COL4A1: variants seen among roughly 807,000 people sequenced by gnomAD.
COL4A1 encodes the protein collagen type IV alpha 1 chain.
Under a neutral mutation model 216.6 loss-of-function variants are expected in COL4A1, and 40 were observed. That is an observed-to-expected ratio of 0.18 (90% CI 0.14 to 0.24). COL4A1 has a LOEUF of 0.24. Among genes scored for constraint, COL4A1 ranks in the 10% least tolerant of loss-of-function variants. COL4A1 has a pLI of 1.00. For synonymous variants in COL4A1, 839 were observed against 810.7 expected, an observed-to-expected ratio of 1.03 and a Z score of -0.59; for missense variants, 1,628 against 2,196.8, an observed-to-expected ratio of 0.74 and a Z score of 5.18.
chr13:110,225,305 C>T (rs1010178202), intron 2 of COL4A1, among the ~76,000 whole-genome samples: 1 of 152,216 alleles, frequency 6.6e-6, no homozygotes, highest in Non-Finnish European at 1.5e-5. Flanking sequence ...ACGACTGGGC[C>T]GGGTGCAGTG....
intron 2 of COL4A1, among the ~76,000 whole-genome samples, chr13:110,216,795 TACCG>T (rs1443153468): frequency 6.6e-6 from 1 of 152,158 alleles, no homozygotes; most frequent in Admixed American, 6.5e-5. Context: ...CAGCCCAAGG[TACCG>T]ACCCTTCTAT....
intron 24 of COL4A1, among the ~76,000 whole-genome samples, chr13:110,187,657 A>G (rs549520985): frequency 1.3e-5 from 2 of 152,298 alleles, no homozygotes; most frequent in South Asian, 4.1e-4. Context: ...CTCAACATTC[A>G]TAGGAACACA....
chr13:110,240,301 G>A (rs923422838), intron 2 of COL4A1, among the ~76,000 whole-genome samples: 9 of 152,342 alleles, frequency 5.9e-5, no homozygotes, highest in Admixed American at 5.2e-4. Flanking sequence ...AAGTCCTGGA[G>A]GTGCTGGGCT....
chr13:110,198,355 C>T, intron 21 of COL4A1, 112 bp downstream of exon 21: 1 of 1,132,906 alleles, frequency 8.8e-7, no homozygotes, highest in Non-Finnish European at 1.3e-6. Flanking sequence ...AGAATCCACG[C>T]CTTTCTATTA....
In COL4A1 at chr13:110,219,781, C is replaced by G. The variant is rs528748372; in HGVS notation, c.145-5766G>C. On this transcript the variant is annotated intron_variant, in intron 2 of 51. Coordinates refer to ENST00000375820, the MANE Select transcript of COL4A1 (RefSeq NM_001845.6). ...ATATGCGTATATATGTATATATATG[C>G]GTATATATGTGTATATATGTATATA... Among the ~76,000 whole-genome samples, 71 of 97,198 alleles carry G rather than the reference C, an allele frequency of 7.3e-4. 1 individual carries two copies. In the South Asian group the frequency reaches 8.4e-3, roughly 12 times the overall value. 63.8% of individuals were successfully genotyped at this position (97,198 alleles called of 152,430 possible).
intron 1 of COL4A1, among the ~76,000 whole-genome samples, chr13:110,253,824 T>C (rs1882387197): frequency 6.9e-6 from 1 of 145,520 alleles, no homozygotes; most frequent in Non-Finnish European, 1.5e-5. Context: ...TACGTATGTA[T>C]GTATTATATA....
intron 8 of COL4A1, 41 bp from the exon 9 acceptor site, chr13:110,210,253 A>T: frequency 6.3e-7 from 1 of 1,584,064 alleles, no homozygotes; most frequent in Non-Finnish European, 8.7e-7. Context: ...GCAAATATCG[A>T]CATTCATGTA....
intron 2 of COL4A1, among the ~76,000 whole-genome samples, chr13:110,220,872 C>T (rs1190901808): frequency 6.6e-6 from 1 of 152,150 alleles, no homozygotes. Context: ...TCCGTATGGC[C>T]AAGCCTGGAC....
chr13:110,206,836 A>C lies in COL4A1; in HGVS notation c.807+29T>G, dbSNP rs551893889. ...TTAAATCTTTATGGTCTTTGACCTA[A>C]AAATGATAGGCAGAAACTGAGTACT... is the stretch of plus-strand genomic sequence containing the variant. On this transcript the variant is annotated intron_variant, in intron 14 of 51. Transcript: ENST00000375820. 4.2e-5 allele frequency: 67 copies of C among 1,614,034 alleles called. 2 individuals are homozygous for C. In the South Asian group the frequency reaches 6.7e-4, roughly 16 times the overall value.
At chr13:110,295,557 C>G (rs1788292968) in intron 1 of COL4A1, among the ~76,000 whole-genome samples, 1 of 151,492 alleles carries the variant, frequency 6.6e-6, no homozygotes, top group South Asian at 2.1e-4. Context: ...TCCCAAGTAG[C>G]TGGGATTACA....
chr13:110,238,073 T>A lies in COL4A1; in HGVS notation c.144+4602A>T, dbSNP rs1349649670. ...GGAAAGCAGTCTTGGTTGTTCTATC[T>A]GATGACAATATTATTGCAATGCAGA... On this transcript the variant is annotated intron_variant, in intron 2 of 51. Coordinates refer to ENST00000375820, the MANE Select transcript of COL4A1 (RefSeq NM_001845.6). 3.3e-5 allele frequency among the ~76,000 whole-genome samples: 5 copies of A among 152,248 alleles called. No homozygotes were observed. The South Asian group carries it at 8.3e-4, about 25-fold the overall frequency.
chr13:110,213,372 A>C (rs1437639788), intron 4 of COL4A1, among the ~76,000 whole-genome samples: 2 of 152,216 alleles, frequency 1.3e-5, no homozygotes, highest in Non-Finnish European at 2.9e-5. Flanking sequence ...ATCATTACTA[A>C]GAGGTGGAGA....
chr13:110,152,408 G>A lies in COL4A1; in HGVS notation c.4854C>T (p.Gly1618=). 6.2e-7 allele frequency: 1 copy of A among 1,614,216 alleles called. No individual in the cohort carries two copies. Among genetic ancestry groups the A allele is most frequent in the South Asian group, 1.1e-5 (1 of 91,086 alleles). The stretch of plus-strand genomic sequence containing the variant: ...TTGCGTAGTAATTGCAGGTCCCACG[G>A]CCGTGACACTCGATGAATGGCGCAC... The part of the protein sequence containing the change: ...FRSAPFIECH[G]RGTCNYYANA... Residue 1618 remains glycine (G), a synonymous_variant, in exon 51 of 52, where the codon GGC becomes GGT. Transcript: ENST00000375820.
chr13:110,152,198 A>T (rs1594527161), intron 51 of COL4A1, 136 bp downstream of exon 51: 1 of 1,390,838 alleles, frequency 7.2e-7, no homozygotes, highest in African/African-American at 1.4e-5. Context: ...TCATCTGCCC[A>T]TGTCGAACAG....
At chr13:110,258,268 T>G (rs907361995) in intron 1 of COL4A1, among the ~76,000 whole-genome samples, 1 of 152,254 alleles carries the variant, frequency 6.6e-6, no homozygotes, top group Non-Finnish European at 1.5e-5. Context: ...GCCGGCGCAG[T>G]GGCTCATGCC....
chr13:110,283,661 TCA>T (rs963948879), intron 1 of COL4A1, among the ~76,000 whole-genome samples: 15 of 152,124 alleles, frequency 9.9e-5, no homozygotes, highest in Non-Finnish European at 1.0e-4. Context: ...GTGCATGCTC[TCA>T]CACTCATGCA....
rs1876401843 is a variant in COL4A1, at chr13:110,149,465, C to G, written c.*898G>C. The G allele has an allele frequency of 6.5e-6, 1 of 152,954 alleles. No homozygotes were observed. The highest frequency in any genetic ancestry group is 1.5e-5 in the Non-Finnish European group (1 of 68,090). 9.5% of individuals were successfully genotyped at this position (152,954 alleles called of 1,614,324 possible). Reference sequence around the variant, plus strand: ...TAATACAGAATAAAAACAATAAGCTCAAAGTACATGTTTCACTATAATAGA... The same window carrying G: ...TAATACAGAATAAAAACAATAAGCTGAAAGTACATGTTTCACTATAATAGA... On this transcript the variant is annotated 3_prime_UTR_variant, in exon 52 of 52. Coordinates refer to ENST00000375820, the MANE Select transcript of COL4A1 (RefSeq NM_001845.6).
chr13:110,195,663 A>G (rs1479994759), intron 21 of COL4A1, among the ~76,000 whole-genome samples: 1 of 152,222 alleles, frequency 6.6e-6, no homozygotes, highest in Non-Finnish European at 1.5e-5. Context: ...GCATAAAAAT[A>G]AACTGCAGTA....
At chr13:110,202,909 G>GT (rs1282683342) in intron 18 of COL4A1, among the ~76,000 whole-genome samples, 1 of 152,038 alleles carries the variant, frequency 6.6e-6, no homozygotes, top group Non-Finnish European at 1.5e-5. Flanking sequence ...AATGGACCAC[G>GT]TTTTTTTAAA....
Sources: gnomAD v4.1 joint callset for allele counts (sites outside exome capture counted in the v4.1 genomes callset) on GRCh38, gnomAD v4.1.1 for gene constraint, MANE v1.5 for transcripts, NCBI Gene and HGNC (gene_info 2026-07-23, HGNC 2026-07-21) for gene names.